Variants in PRKG1 observed in about 807,000 individuals in gnomAD.
PRKG1 encodes protein kinase cGMP-dependent 1.
In PRKG1, 35 loss-of-function variants were observed where a neutral mutation model predicts 88.1. The observed-to-expected ratio is 0.40, with a 90% CI of 0.30 to 0.53. PRKG1 has a LOEUF of 0.53. Ranked by LOEUF, PRKG1 falls within the 20% of genes least tolerant of loss-of-function variation. PRKG1 has a pLI of 0.59. For synonymous variants in PRKG1, 303 were observed against 292.5 expected, an observed-to-expected ratio of 1.04 and a Z score of -0.37; for missense variants, 540 against 839.8, an observed-to-expected ratio of 0.64 and a Z score of 4.41.
At chr10:51,550,608 T>C (rs1283341046) in intron 3 of PRKG1, among the ~76,000 whole-genome samples, 1 of 151,966 alleles carries the variant, frequency 6.6e-6, no homozygotes, top group Non-Finnish European at 1.5e-5. Context: ...TAATACTAAT[T>C]TTGGATAGTT....
At chr10:51,051,140 G>T (rs1351161165) in intron 1 of PRKG1, among the ~76,000 whole-genome samples, 1 of 152,000 alleles carries the variant, frequency 6.6e-6, no homozygotes, top group African/African-American at 2.4e-5. Context: ...TGTTTTCTAT[G>T]CTGTACAGAA....
chr10:51,420,376 T>C (rs1210122962), intron 2 of PRKG1, among the ~76,000 whole-genome samples: 1 of 152,212 alleles, frequency 6.6e-6, no homozygotes, highest in Non-Finnish European at 1.5e-5. Flanking sequence ...ACAGAATTTG[T>C]TGGGACTCCA....
chr10:52,011,512 T>TTATTTC (rs2133170526), intron 5 of PRKG1, among the ~76,000 whole-genome samples: 1 of 152,148 alleles, frequency 6.6e-6, no homozygotes, highest in East Asian at 1.9e-4. Flanking sequence ...AAGACCACAT[T>TTATTTC]TATTTCCCCC....
intron 3 of PRKG1, among the ~76,000 whole-genome samples, chr10:51,501,692 C>G (rs72795137): frequency 1.4e-3 from 217 of 151,896 alleles, no homozygotes; most frequent in Non-Finnish European, 2.5e-3. Flanking sequence ...TCCTTTAGAA[C>G]TGATGTTATT....
intron 3 of PRKG1, among the ~76,000 whole-genome samples, chr10:51,650,582 TA>T (rs1417689456): frequency 3.9e-5 from 6 of 152,326 alleles, no homozygotes; most frequent in South Asian, 2.1e-4. Context: ...TAATTGAAAC[TA>T]ATTAATTTTA....
chr10:52,224,375 T>C (rs1276160191), intron 9 of PRKG1, among the ~76,000 whole-genome samples: 1 of 152,210 alleles, frequency 6.6e-6, no homozygotes, highest in African/African-American at 2.4e-5. Flanking sequence ...CTCTAATCTC[T>C]TAAACTAAAA....
intron 9 of PRKG1, among the ~76,000 whole-genome samples, chr10:52,178,505 G>A (rs533021828): frequency 7.9e-5 from 12 of 151,932 alleles, no homozygotes; most frequent in Non-Finnish European, 1.8e-4. Context: ...ATATCTGTTA[G>A]GTTCATTTGC....
chr10:51,359,101 A>G (rs868102240), intron 2 of PRKG1, among the ~76,000 whole-genome samples: 40 of 151,986 alleles, frequency 2.6e-4, no homozygotes, highest in Middle Eastern at 3.4e-3. Context: ...TAATGGTTTT[A>G]GAAGATTATG....
chr10:52,085,183 A>G (rs1376580767), intron 7 of PRKG1, among the ~76,000 whole-genome samples: 4 of 152,018 alleles, frequency 2.6e-5, no homozygotes, highest in Non-Finnish European at 5.9e-5. Flanking sequence ...TTTCCCTTGC[A>G]ACTAATAAAC....
chr10:51,952,514 T>C (rs964344033), intron 5 of PRKG1, among the ~76,000 whole-genome samples: 1 of 152,212 alleles, frequency 6.6e-6, no homozygotes, highest in African/African-American at 2.4e-5. Context: ...CATCAGGTTT[T>C]TGTGATCATT....
chr10:51,900,219 A>T (rs1442140267), intron 4 of PRKG1, among the ~76,000 whole-genome samples: 2 of 152,198 alleles, frequency 1.3e-5, no homozygotes, highest in Non-Finnish European at 2.9e-5. Flanking sequence ...AAATATATGA[A>T]GAAAATACAA....
At chr10:52,088,337 TTTA>T (rs1372853828) in intron 7 of PRKG1, among the ~76,000 whole-genome samples, 3 of 150,292 alleles carry the variant, frequency 2.0e-5, no homozygotes, top group South Asian at 2.1e-4. Flanking sequence ...ATTATTTATG[TTTA>T]TTAATATATA....
At chr10:51,738,864 A>T (rs1837359815) in intron 3 of PRKG1, among the ~76,000 whole-genome samples, 1 of 152,154 alleles carries the variant, frequency 6.6e-6, no homozygotes, top group South Asian at 2.1e-4. Context: ...TGTAAAACTG[A>T]TAATATTTCC....
At chr10:51,514,061 G>T (rs1208401088) in intron 3 of PRKG1, among the ~76,000 whole-genome samples, 11 of 143,704 alleles carry the variant, frequency 7.7e-5, no homozygotes, top group African/African-American at 2.6e-4. Context: ...TCCAGGAGCT[G>T]GTTTTTTGAA....
intron 17 of PRKG1, among the ~76,000 whole-genome samples, chr10:52,292,376 T>C (rs542427742): frequency 0.019 from 2,853 of 152,136 alleles, 39 homozygotes; most frequent in Non-Finnish European, 0.029. Flanking sequence ...GGTCTTCTTC[T>C]AGGGTTTTTA....
chr10:51,249,189 A>T (rs1243072935), intron 2 of PRKG1, among the ~76,000 whole-genome samples: 4 of 151,892 alleles, frequency 2.6e-5, no homozygotes, highest in African/African-American at 9.7e-5. Flanking sequence ...AGGGGCAAAA[A>T]AATTTTAGTT....
intron 2 of PRKG1, among the ~76,000 whole-genome samples, chr10:51,463,913 A>G (rs293296): frequency 0.62 from 94,367 of 152,086 alleles, 29,481 homozygotes; most frequent in South Asian, 0.75. Context: ...TTATGACTCC[A>G]GGTAACAAAG....
intron 4 of PRKG1, among the ~76,000 whole-genome samples, chr10:51,856,075 C>T (rs1354208627): frequency 6.6e-6 from 1 of 152,150 alleles, no homozygotes; most frequent in Non-Finnish European, 1.5e-5. Context: ...TCAATCTCTG[C>T]TCCCATTGTT....
chr10:52,072,158 CTTTTTTTTTTTTTTT>C (rs60576406), intron 7 of PRKG1, among the ~76,000 whole-genome samples: 1 of 39,564 alleles, frequency 2.5e-5, no homozygotes, highest in Admixed American at 4.4e-4. Context: ...TATTGTTTTG[CTTTTTTTTTTTTTTT>C]TTTTTTTTTT....
Sources: allele counts gnomAD v4.1 joint callset (sites outside exome capture counted in the v4.1 genomes callset), GRCh38; gene constraint gnomAD v4.1.1; transcripts MANE v1.5; gene names NCBI Gene and HGNC (gene_info 2026-07-23, HGNC 2026-07-21).